The following KHDC4 variants were observed in gnomAD, a reference collection of about 807,000 sequenced individuals.
KHDC4 encodes KH homology domain-containing protein 4.
Under a neutral mutation model 74.5 loss-of-function variants are expected in KHDC4, and 19 were observed. That is an observed-to-expected ratio of 0.26 (90% CI 0.18 to 0.37). The LOEUF (loss-of-function observed/expected upper bound fraction) is 0.37. Among genes scored for constraint, KHDC4 ranks in the 10% least tolerant of loss-of-function variants. KHDC4 has a pLI of 1.00. For missense variants in KHDC4, 632 were observed against 754.1 expected, an observed-to-expected ratio of 0.84 and a Z score of 1.90; for synonymous variants, 253 against 266.1, an observed-to-expected ratio of 0.95 and a Z score of 0.48.
At chr1:155,930,787 C>G (rs997788557) in intron 2 of KHDC4, among the ~76,000 whole-genome samples, 5 of 152,154 alleles carry the variant, frequency 3.3e-5, no homozygotes, top group African/African-American at 1.2e-4. Flanking sequence ...GATCCGGTTT[C>G]TTTCAATTTA....
In KHDC4 at chr1:155,925,787, A is replaced by G. The variant is rs758684575; in HGVS notation, c.738T>C (p.Phe246=). 2 of 1,614,198 alleles carry G rather than the reference A, an allele frequency of 1.2e-6. No individual in the cohort carries two copies. The highest frequency in any genetic ancestry group is 1.7e-5 in the Admixed American group (1 of 60,014). Residue 246 remains phenylalanine (F), a synonymous_variant, in exon 7 of 14, where the codon TTT becomes TTC. Transcript: ENST00000368321. ...FVGLEHAVPT[F]NVKEKVEGPG... is the part of the protein sequence containing the mutation. ...GACCTTCCACCTTCTCCTTGACATT[A>G]AAAGTGGGTACAGCATGTTCTAGAC... is the stretch of plus-strand genomic sequence containing the variant.
chr1:155,919,889 T>C (rs762911398), intron 10 of KHDC4: 2 of 284,002 alleles, frequency 7.0e-6, no homozygotes, highest in Non-Finnish European at 1.4e-5. Context: ...TAAAATTTAG[T>C]TCATAGCTTT....
In KHDC4 at chr1:155,933,782, C is replaced by G. The variant is rs1674193987; in HGVS notation, c.106G>C (p.Gly36Arg). 14 of 1,597,196 alleles carry G rather than the reference C, an allele frequency of 8.8e-6. No homozygotes were observed. The highest frequency in any genetic ancestry group is 1.3e-5 in the African/African-American group (1 of 74,812). The change falls in exon 2 of 14, where the codon GGG becomes CGG. Residue 36 changes from glycine to arginine, a missense_variant. Transcript: ENST00000368321. Reference sequence around the variant, plus strand: ...CTTCCCCCACTGCTGGTGACCTCCCCACCTGGGGCCGCTGGCGGGAGGAAG... The same window carrying G: ...CTTCCCCCACTGCTGGTGACCTCCCGACCTGGGGCCGCTGGCGGGAGGAAG... Reference protein sequence around the residue: ...LLFLPPAAPGGEVTSSGGSPG... With the variant: ...LLFLPPAAPGREVTSSGGSPG...
At chr1:155,918,217 A>G (rs970208374) in intron 10 of KHDC4, among the ~76,000 whole-genome samples, 1 of 152,186 alleles carries the variant, frequency 6.6e-6, no homozygotes, top group East Asian at 1.9e-4. Flanking sequence ...ATTGCTTAGC[A>G]ATGGTAATAC....
chr1:155,921,844 C>G lies in KHDC4; in HGVS notation c.1012+17G>C, dbSNP rs751630471. The G allele has an allele frequency of 2.5e-6, 4 of 1,582,748 alleles. No individual in the cohort carries two copies. In the Admixed American group the frequency reaches 6.8e-5, roughly 27 times the overall value. On this transcript the variant is annotated intron_variant, in intron 9 of 13. Transcript: ENST00000368321. ...TCACTAGCAAAATATTTTTTAAACA[C>G]TTCAAGATGTACACACCTGGTAAAG...
At position 155,921,817 on chromosome 1, in the gene KHDC4, T is replaced by G; in HGVS notation, c.1012+44A>C. The G allele has an allele frequency of 2.7e-6, 4 of 1,482,342 alleles. No individual in the cohort carries two copies. In the South Asian group the frequency reaches 4.6e-5, roughly 17 times the overall value. The allele number at this position is 1,482,342 out of a possible 1,614,324, so 91.8% of individuals were successfully genotyped here. ...CTCAAGTATCATAGTTACACATAACTATCACTAGCAAAATATTTTTTAAAC... is the reference window on the plus strand; with the variant it reads ...CTCAAGTATCATAGTTACACATAACGATCACTAGCAAAATATTTTTTAAAC... On this transcript the variant is annotated intron_variant, in intron 9 of 13. Coordinates refer to ENST00000368321, the MANE Select transcript of KHDC4 (RefSeq NM_014949.4).
chr1:155,927,631 C>T (rs1674033163), intron 4 of KHDC4, among the ~76,000 whole-genome samples: 1 of 151,510 alleles, frequency 6.6e-6, no homozygotes, highest in Admixed American at 6.6e-5. Context: ...ATGGCAAAAC[C>T]CCATCTCTAC....
chr1:155,929,233 A>G, intron 4 of KHDC4, 63 bp downstream of exon 4: 1 of 1,171,388 alleles, frequency 8.5e-7, no homozygotes, highest in Non-Finnish European at 1.3e-6. Flanking sequence ...AAGGATAAAA[A>G]ACATGAGGCT....
chr1:155,925,678 G>A lies in KHDC4; in HGVS notation c.847C>T (p.Pro283Ser). 6.2e-7 allele frequency: 1 copy of A among 1,614,132 alleles called. No individual in the cohort carries two copies. The highest frequency in any genetic ancestry group is 8.5e-7 in the Non-Finnish European group (1 of 1,180,034). ...LRGKGSGCIE[P>S]ASGREAFEPM... ...TCAAAAGCTTCTCGGCCAGATGCTGGCTCAATGCAGCCTGAACCTTTGCCC... is the reference window on the plus strand; with the variant it reads ...TCAAAAGCTTCTCGGCCAGATGCTGACTCAATGCAGCCTGAACCTTTGCCC... The change falls in exon 7 of 14, where the codon CCA becomes TCA. Residue 283 changes from proline to serine, a missense_variant. Pro to Ser is a moderately conservative substitution (Grantham distance 74). This residue lies in a region of KHDC4 where 233 missense variants were observed against 342.6 expected (regional missense o/e 0.68). Transcript: ENST00000368321.
intron 10 of KHDC4, among the ~76,000 whole-genome samples, chr1:155,918,060 A>C (rs1323159899): frequency 6.6e-6 from 1 of 152,056 alleles, no homozygotes; most frequent in Non-Finnish European, 1.5e-5. Context: ...TTCATCTTCC[A>C]CTCCCTTAGT....
intron 3 of KHDC4, 100 bp from the exon 4 acceptor site, chr1:155,929,475 GAAAGA>G: frequency 8.8e-7 from 1 of 1,130,220 alleles, no homozygotes; most frequent in Admixed American, 2.1e-5. Flanking sequence ...AGTAAAGAAG[GAAAGA>G]ATTCTCTCCT....
At chr1:155,921,805 G>C (rs1440312683) in intron 9 of KHDC4, 56 bp downstream of exon 9, 2 of 1,452,386 alleles carry the variant, frequency 1.4e-6, no homozygotes, top group East Asian at 4.5e-5. Flanking sequence ...AAGTATCATA[G>C]TTACACATAA....
intron 7 of KHDC4, among the ~76,000 whole-genome samples, chr1:155,925,050 G>C (rs1298071915): frequency 7.5e-6 from 1 of 133,396 alleles, no homozygotes; most frequent in East Asian, 2.2e-4. Context: ...TTTTTGAGAT[G>C]GAGTCTCGCT....
chr1:155,931,478 C>A (rs1165490086), intron 2 of KHDC4, among the ~76,000 whole-genome samples: 2 of 152,180 alleles, frequency 1.3e-5, no homozygotes, highest in African/African-American at 4.8e-5. Flanking sequence ...TCTGTAGTCG[C>A]AGCTACTTGG....
Position 155,933,752 on chromosome 1 carries a change from C to T in KHDC4, c.136G>A (p.Gly46Arg), listed in dbSNP as rs1463920154. The change falls in exon 2 of 14, where the codon GGG (glycine) becomes AGG (arginine). Residue 46 changes from glycine (G) to arginine (R), a missense_variant. By Grantham distance (125) the Gly-to-Arg change is moderately radical (BLOSUM62 -2). This residue lies in a region of KHDC4 where 104 missense variants were observed against 78.1 expected (regional missense o/e 1.33). Transcript: ENST00000368321. Reference sequence around the variant, plus strand: ...CCTGAAGGAGCAGCTGTGGTGCCCCCAGGACTTCCCCCACTGCTGGTGACC... The same window carrying T: ...CCTGAAGGAGCAGCTGTGGTGCCCCTAGGACTTCCCCCACTGCTGGTGACC... ...GEVTSSGGSPGGTTAAPSGAL... is the reference protein window; with the variant it reads ...GEVTSSGGSPRGTTAAPSGAL... 1 of 1,604,768 alleles carries T rather than the reference C, an allele frequency of 6.2e-7. No individual in the cohort carries two copies. Among genetic ancestry groups the T allele is most frequent in the East Asian group, 2.2e-5 (1 of 44,598 alleles).
Position 155,928,330 on chromosome 1 carries a change from C to T in KHDC4, c.464+966G>A, listed in dbSNP as rs527717469. Among the ~76,000 whole-genome samples the T allele has an allele frequency of 1.3e-4, 20 of 151,732 alleles. No homozygotes were observed. The South Asian group carries it at 3.3e-3, about 25-fold the overall frequency. ...CAGAGGTTGCAGTGAGCCGAGATGG[C>T]GCCATTGCACTCCAGCCTGGGCAAC... On this transcript the variant is annotated intron_variant, in intron 4 of 13. Coordinates refer to ENST00000368321, the MANE Select transcript of KHDC4 (RefSeq NM_014949.4).
chr1:155,915,838 C>G, intron 13 of KHDC4, 35 bp downstream of exon 13: 1 of 1,363,566 alleles, frequency 7.3e-7, no homozygotes, highest in Non-Finnish European at 1.0e-6. Flanking sequence ...CCAGTCTTAG[C>G]CACTCCCCTG....
chr1:155,933,587 C>T (rs757554260), intron 2 of KHDC4, 46 bp downstream of exon 2: 1 of 1,498,088 alleles, frequency 6.7e-7, no homozygotes, highest in South Asian at 1.2e-5. Flanking sequence ...CCCGGCAAAA[C>T]AACTATTAAA....
At chr1:155,927,014 G>T in intron 5 of KHDC4, 90 bp downstream of exon 5, 2 of 1,367,378 alleles carry the variant, frequency 1.5e-6, no homozygotes, top group Non-Finnish European at 2.1e-6. Flanking sequence ...GGTTAGAACA[G>T]CCATCAGGGA....
Sources: gnomAD v4.1 joint callset for allele counts (sites outside exome capture counted in the v4.1 genomes callset) on GRCh38, gnomAD v4.1.1 for gene constraint, gnomAD v4.1.1 regional missense constraint, MANE v1.5 for transcripts, NCBI Gene and HGNC (gene_info 2026-07-23, HGNC 2026-07-21) for gene names.